PIK3C2G: variants seen among roughly 807,000 people sequenced by gnomAD.
The protein encoded by PIK3C2G is phosphatidylinositol-4-phosphate 3-kinase catalytic subunit type 2 gamma, also known as phosphatidylinositol 3-kinase C2 domain-containing subunit gamma.
Under a neutral mutation model 181.1 loss-of-function variants are expected in PIK3C2G, and 168 were observed. That is an observed-to-expected ratio of 0.93 (90% CI 0.82 to 1.05). The LOEUF (loss-of-function observed/expected upper bound fraction) is 1.05, where lower values mean the gene tolerates loss of function less well. PIK3C2G is among the 50% of genes least tolerant of loss of function. The pLI is 0.00. For missense variants in PIK3C2G, 1,869 were observed against 1,732.8 expected, an observed-to-expected ratio of 1.08 and a Z score of -1.40; for synonymous variants, 573 against 592.2, an observed-to-expected ratio of 0.97 and a Z score of 0.47.
At chr12:18,464,555 A>C (rs1230402134) in intron 18 of PIK3C2G, among the ~76,000 whole-genome samples, 1 of 152,140 alleles carries the variant, frequency 6.6e-6, no homozygotes, top group Non-Finnish European at 1.5e-5. Flanking sequence ...TATGCCAATC[A>C]TATTCATTTA....
chr12:18,279,551 A>C lies in PIK3C2G; in HGVS notation c.-78-2453A>C, dbSNP rs187972377. ...TTAATGTAGCTACATTTGCCATAAT[A>C]AACTACAAGGAGCAAGTCAAGCTAA... On this transcript the variant is annotated intron_variant, in intron 1 of 32. Coordinates refer to ENST00000538779, the MANE Select transcript of PIK3C2G (RefSeq NM_001288772.2). Among the ~76,000 whole-genome samples the C allele has an allele frequency of 1.8e-3, 281 of 152,138 alleles. 1 individual carries two copies. Among genetic ancestry groups the C allele is most frequent in the Middle Eastern group, 3.4e-3 (1 of 294 alleles).
chr12:18,657,943 T>C, the PIK3C2G span, among the ~76,000 whole-genome samples: 1 of 151,888 alleles, frequency 6.6e-6, no homozygotes, highest in Admixed American at 6.6e-5. Flanking sequence ...TACAAAGAAC[T>C]GAAGAGAACC....
chr12:18,478,273 A>G (rs1939204434), intron 18 of PIK3C2G, among the ~76,000 whole-genome samples: 1 of 152,166 alleles, frequency 6.6e-6, no homozygotes, highest in Non-Finnish European at 1.5e-5. Flanking sequence ...AATTTATTTT[A>G]TTACAGCACA....
chr12:18,313,826 ACACG>A (rs762905697), intron 5 of PIK3C2G, 132 bp from the exon 6 acceptor site: 29 of 530,826 alleles, frequency 5.5e-5, no homozygotes, highest in East Asian at 5.0e-4. Flanking sequence ...ACACACACAC[ACACG>A]CACACACACG....
At chr12:18,274,763 C>T (rs1347039144) in intron 1 of PIK3C2G, among the ~76,000 whole-genome samples, 1 of 152,060 alleles carries the variant, frequency 6.6e-6, no homozygotes, top group African/African-American at 2.4e-5. Context: ...TGTAACAAAC[C>T]TGCACGTTGT....
chr12:18,496,015 G>A, intron 20 of PIK3C2G, 47 bp from the exon 21 acceptor site: 2 of 992,828 alleles, frequency 2.0e-6, no homozygotes, highest in Non-Finnish European at 2.9e-6. Flanking sequence ...GGGGATTGGG[G>A]TCTGATTTAT....
intron 15 of PIK3C2G, among the ~76,000 whole-genome samples, chr12:18,397,439 C>A (rs1943964891): frequency 6.6e-6 from 1 of 151,820 alleles, no homozygotes; most frequent in East Asian, 1.9e-4. Context: ...ATAAAGAAAT[C>A]ATGCAAATGA....
At chr12:18,328,267 T>C (rs1435305136) in intron 8 of PIK3C2G, among the ~76,000 whole-genome samples, 1 of 151,958 alleles carries the variant, frequency 6.6e-6, no homozygotes, top group East Asian at 1.9e-4. Flanking sequence ...ACCAAGTAGA[T>C]AACCAGGAGA....
chr12:18,553,355 A>G (rs1157519465), intron 26 of PIK3C2G, among the ~76,000 whole-genome samples: 2 of 152,102 alleles, frequency 1.3e-5, no homozygotes, highest in Non-Finnish European at 2.9e-5. Flanking sequence ...TTTCACTGGC[A>G]TATCACTTTA....
At chr12:18,285,677 C>G (rs1429763222) in intron 2 of PIK3C2G, among the ~76,000 whole-genome samples, 1 of 151,422 alleles carries the variant, frequency 6.6e-6, no homozygotes, top group African/African-American at 2.4e-5. Context: ...ATTGCAATTC[C>G]TAGAGCTAGT....
At chr12:18,669,912 G>A in the PIK3C2G span, among the ~76,000 whole-genome samples, 1,696 of 152,012 alleles carry the variant, frequency 0.011, 26 homozygotes, top group African/African-American at 0.039. Context: ...CTTGTGATCC[G>A]CCCACCTGGC....
chr12:18,653,037 T>A (rs1334017961), downstream of PIK3C2G, among the ~76,000 whole-genome samples: 1 of 151,934 alleles, frequency 6.6e-6, no homozygotes, highest in African/African-American at 2.4e-5. Context: ...TACCTATCAC[T>A]CTCATCCTTA....
At chr12:18,505,521 T>C in intron 24 of PIK3C2G, 60 bp downstream of exon 24, 1 of 1,224,544 alleles carries the variant, frequency 8.2e-7, no homozygotes, top group Non-Finnish European at 1.1e-6. Flanking sequence ...ATGTATAACA[T>C]GTAATTGCAT....
chr12:18,371,142 A>G (rs754034161), intron 12 of PIK3C2G, 38 bp from the exon 13 acceptor site: 3 of 1,540,886 alleles, frequency 1.9e-6, no homozygotes, highest in South Asian at 1.2e-5. Context: ...TATCAGTACA[A>G]TTGGGTAGGT....
Position 18,282,050 on chromosome 12 carries a change from G to C in PIK3C2G, c.-32G>C. The C allele has an allele frequency of 1.5e-6, 2 of 1,294,760 alleles. No individual in the cohort carries two copies. Among genetic ancestry groups the C allele is most frequent in the Admixed American group, 2.1e-5 (1 of 48,456 alleles). The allele number at this position is 1,294,760 out of a possible 1,614,324, so 80.2% of individuals were successfully genotyped here. A position where few individuals can be genotyped will look rare whatever the true frequency, so the allele number is the denominator to read the frequency against. ...TATTATCAAGGAGATATTTGGAGCA[G>C]AGTCAACCCTCTCAGTTACATAAAA... On this transcript the variant is annotated 5_prime_UTR_variant, in exon 2 of 33. Coordinates refer to ENST00000538779, the MANE Select transcript of PIK3C2G (RefSeq NM_001288772.2).
At chr12:18,604,967 C>T (rs914176194) in intron 30 of PIK3C2G, among the ~76,000 whole-genome samples, 23 of 152,190 alleles carry the variant, frequency 1.5e-4, no homozygotes, top group African/African-American at 5.3e-4. Context: ...AATCTAAGGT[C>T]ACACCTCAAG....
At chr12:18,368,395 G>A (rs894555475) in intron 12 of PIK3C2G, among the ~76,000 whole-genome samples, 1 of 152,154 alleles carries the variant, frequency 6.6e-6, no homozygotes, top group Non-Finnish European at 1.5e-5. Context: ...TACTTAGAAA[G>A]GTTAAATGCA....
chr12:18,259,164 G>A (rs1322263942), upstream of PIK3C2G, among the ~76,000 whole-genome samples: 2 of 151,988 alleles, frequency 1.3e-5, no homozygotes, highest in African/African-American at 2.4e-5. Context: ...AAATCTTGTC[G>A]GTCTTTTTCA....
chr12:18,354,086 G>A (rs1222307254), intron 11 of PIK3C2G, among the ~76,000 whole-genome samples: 1 of 152,212 alleles, frequency 6.6e-6, no homozygotes, highest in Non-Finnish European at 1.5e-5. Context: ...AGAGCAGTCT[G>A]CTTCTCAGTG....
Sources: allele counts gnomAD v4.1 joint callset (sites outside exome capture counted in the v4.1 genomes callset), GRCh38; gene constraint gnomAD v4.1.1; transcripts MANE v1.5; gene names NCBI Gene and HGNC (gene_info 2026-07-23, HGNC 2026-07-21).